CNTNAP3B: variants seen among roughly 807,000 people sequenced by gnomAD.
The protein encoded by CNTNAP3B is contactin associated protein family member 3B.
Under a neutral mutation model 108.9 loss-of-function variants are expected in CNTNAP3B, and 25 were observed. The observed-to-expected ratio is 0.23, with a 90% CI of 0.17 to 0.32. The LOEUF (loss-of-function observed/expected upper bound fraction) is 0.32. CNTNAP3B is among the 10% of genes least tolerant of loss of function. The probability of loss-of-function intolerance (pLI) is 1.00; values close to 1 mark genes in which losing one functional copy is unlikely to be tolerated. For missense variants in CNTNAP3B, 252 were observed against 1,210.4 expected (o/e 0.21, Z 11.75); for synonymous variants, 103 against 473.4 (o/e 0.22, Z 10.16).
intron 9 of CNTNAP3B, among the ~76,000 whole-genome samples, chr9:41,973,091 C>A (rs1208463265): frequency 7.2e-6 from 1 of 139,502 alleles, no homozygotes; most frequent in Non-Finnish European, 1.5e-5. Flanking sequence ...ACACGCACCA[C>A]CATGCCCTGC....
chr9:41,934,045 G>A (rs1824062349), intron 14 of CNTNAP3B, among the ~76,000 whole-genome samples: 1 of 147,782 alleles, frequency 6.8e-6, no homozygotes, highest in Admixed American at 6.9e-5. Flanking sequence ...TCCCAAAAAT[G>A]TTATGTTAAT....
At position 42,128,440 on chromosome 9, in the gene CNTNAP3B, G is replaced by A. The variant is rs1828617313; in HGVS notation, c.85+570C>T. Among the ~76,000 whole-genome samples, 4 of 135,878 alleles carry A rather than the reference G, an allele frequency of 2.9e-5. No individual in the cohort carries two copies. In the South Asian group the frequency reaches 9.6e-4, roughly 33 times the overall value. 89.1% of individuals were successfully genotyped at this position (135,878 alleles called of 152,430 possible). A position where few individuals can be genotyped will look rare whatever the true frequency, so the allele number is the denominator to read the frequency against. On this transcript the variant is annotated intron_variant, in intron 1 of 23. Coordinates refer to ENST00000377561, the MANE Select transcript of CNTNAP3B (RefSeq NM_001201380.3). ...AACCAAGAACTTTCTACTGAGAAAC[G>A]AAGCCCCTGACAGGGGTGTTCAAGT...
chr9:41,996,270 G>T lies in CNTNAP3B; in HGVS notation c.1006C>A (p.Leu336Ile). The T allele has an allele frequency of 6.5e-7, 1 of 1,531,030 alleles. No homozygotes were observed. The highest frequency in any genetic ancestry group is 8.8e-7 in the Non-Finnish European group (1 of 1,132,210). The allele number at this position is 1,531,030 out of a possible 1,614,324, so 94.8% of individuals were successfully genotyped here. The change falls in exon 7 of 24, where the codon CTT becomes ATT. Residue 336 changes from leucine (L) to isoleucine (I), a missense_variant. Coordinates refer to ENST00000377561, the MANE Select transcript of CNTNAP3B (RefSeq NM_001201380.3). Reference sequence around the variant, plus strand: ...GTAACATCCACTCCATTATAATAAAGATTTTCTAAACACCCATGAAAGCTT... The same window carrying T: ...GTAACATCCACTCCATTATAATAAATATTTTCTAAACACCCATGAAAGCTT... ...RKSFHGCLEN[L>I]YYNGVDVTEL...
At position 42,107,872 on chromosome 9, in the gene CNTNAP3B, G is replaced by A. The variant is rs1340204045; in HGVS notation, c.86-3133C>T. 1.6e-5 allele frequency among the ~76,000 whole-genome samples: 2 copies of A among 128,290 alleles called. 1 individual carries two copies. Among genetic ancestry groups the A allele is most frequent in the Non-Finnish European group, 3.3e-5 (2 of 61,398 alleles). 84.2% of individuals were successfully genotyped at this position (128,290 alleles called of 152,430 possible). A position where few individuals can be genotyped will look rare whatever the true frequency, so the allele number is the denominator to read the frequency against. On this transcript the variant is annotated intron_variant, in intron 1 of 23. Transcript: ENST00000377561. ...TGCCCATAGTCCCAGCTTCCCAGGA[G>A]GCTGAAGCAGGAGAATCGCTTGAAC... is the stretch of plus-strand genomic sequence containing the variant.
At chr9:41,997,260 C>T (rs1265465230) in intron 6 of CNTNAP3B, among the ~76,000 whole-genome samples, 2 of 151,744 alleles carry the variant, frequency 1.3e-5, no homozygotes, top group African/African-American at 4.9e-5. Flanking sequence ...TGTAATATAC[C>T]AGATGAAATT....
In CNTNAP3B at chr9:42,111,217, C is replaced by T. The variant is rs1193519726; in HGVS notation, c.86-6478G>A. Among the ~76,000 whole-genome samples the T allele has an allele frequency of 3.6e-5, 5 of 139,698 alleles. 1 individual carries two copies. Among genetic ancestry groups the T allele is most frequent in the Non-Finnish European group, 6.2e-5 (4 of 65,034 alleles). The allele number at this position is 139,698 out of a possible 152,430, so 91.6% of individuals were successfully genotyped here. ...GAACCTGGGACTTTCGAATGAATAA[C>T]AGCAGAACTTGGGACTTTCGGCTTG... On this transcript the variant is annotated intron_variant, in intron 1 of 23. Transcript: ENST00000377561.
At position 42,098,126 on chromosome 9, in the gene CNTNAP3B, TAATGTAAA is replaced by T. The variant is rs1274966413; in HGVS notation, c.196+6495_196+6502del. ...CTGTGATCTTCATGGAGTAAGGTGC[TAATGTAAA>T]AAAGTTGATTATTGGAGTTTATAAA... On this transcript the variant is annotated intron_variant, in intron 2 of 23. Transcript: ENST00000377561. Among the ~76,000 whole-genome samples the T allele has an allele frequency of 2.9e-5, 4 of 139,878 alleles. 2 individuals carry two copies. In the East Asian group the frequency reaches 8.7e-4, roughly 30 times the overall value. 91.8% of individuals were successfully genotyped at this position (139,878 alleles called of 152,430 possible).
At chr9:41,933,450 C>T (rs1224632724) in intron 14 of CNTNAP3B, among the ~76,000 whole-genome samples, 3 of 147,672 alleles carry the variant, frequency 2.0e-5, no homozygotes, top group East Asian at 3.9e-4. Context: ...ATTTGGCTGT[C>T]CTTAATTCTC....
rs2118493052 is a variant in CNTNAP3B, at chr9:42,035,214, TC to T, written c.391-21690del. ...TTGGGACCTCTTTACCCAAGGCTCC[TC>T]CGGGCTAGCTCCTCCCACCACAGTA... On this transcript the variant is annotated intron_variant, in intron 3 of 23. Coordinates refer to ENST00000377561, the MANE Select transcript of CNTNAP3B (RefSeq NM_001201380.3). Among the ~76,000 whole-genome samples the T allele has an allele frequency of 2.2e-5, 3 of 133,632 alleles. No homozygotes were observed. In the South Asian group the frequency reaches 7.7e-4, roughly 34 times the overall value. 87.7% of individuals were successfully genotyped at this position (133,632 alleles called of 152,430 possible). A position where few individuals can be genotyped will look rare whatever the true frequency, so the allele number is the denominator to read the frequency against.
At position 42,044,774 on chromosome 9, in the gene CNTNAP3B, G is replaced by A. The variant is rs548458327; in HGVS notation, c.391-31249C>T. Among the ~76,000 whole-genome samples the A allele has an allele frequency of 9.7e-4, 135 of 139,282 alleles. 3 individuals are homozygous for A. Among genetic ancestry groups the A allele is most frequent in the African/African-American group, 3.8e-3 (134 of 35,520 alleles). The allele number at this position is 139,282 out of a possible 152,430, so 91.4% of individuals were successfully genotyped here. A position where few individuals can be genotyped will look rare whatever the true frequency, so the allele number is the denominator to read the frequency against. ...GAAAAGGATAAAGCCTGTGCCAGAAGAAGTGGTTCAGGAGGTAAGGGTTTC... is the reference window on the plus strand; with the variant it reads ...GAAAAGGATAAAGCCTGTGCCAGAAAAAGTGGTTCAGGAGGTAAGGGTTTC... On this transcript the variant is annotated intron_variant, in intron 3 of 23. Transcript: ENST00000377561.
intron 15 of CNTNAP3B, among the ~76,000 whole-genome samples, chr9:41,927,737 A>G (rs1037144464): frequency 6.6e-6 from 1 of 152,260 alleles, no homozygotes; most frequent in African/African-American, 2.4e-5. Flanking sequence ...AAAATCAAAG[A>G]CCCAAACAAA....
At chr9:42,103,382 C>G (rs1454211631) in intron 2 of CNTNAP3B, among the ~76,000 whole-genome samples, 252 of 131,216 alleles carry the variant, frequency 1.9e-3, no homozygotes, top group Non-Finnish European at 2.6e-3. Context: ...TAAATGTGCT[C>G]AAATACAGAA....
Position 42,098,779 on chromosome 9 carries a change from A to AT in CNTNAP3B, c.196+5849dup, listed in dbSNP as rs200935585. ...TCAGGACAATCAGGCACAGATGGCT[A>AT]TTTTTTCTATTGAGTTGAGATAATT... On this transcript the variant is annotated intron_variant, in intron 2 of 23. Transcript: ENST00000377561. 1.5e-5 allele frequency among the ~76,000 whole-genome samples: 2 copies of AT among 129,570 alleles called. 1 individual carries two copies. The allele number at this position is 129,570 out of a possible 152,430, so 85.0% of individuals were successfully genotyped here.
chr9:41,947,578 T>G (rs2118119588), intron 13 of CNTNAP3B, among the ~76,000 whole-genome samples: 1 of 152,264 alleles, frequency 6.6e-6, no homozygotes, highest in East Asian at 1.9e-4. Context: ...AATGCCTACA[T>G]TAGGAAAGAA....
At position 42,118,083 on chromosome 9, in the gene CNTNAP3B, AT is replaced by A. The variant is rs768864819; in HGVS notation, c.85+10926del. ...CAGGACCAGATGGATTCACAGCCCAATTCTACCAGAGGTACAAGGAGGAACT... is the reference window on the plus strand; with the variant it reads ...CAGGACCAGATGGATTCACAGCCCAATCTACCAGAGGTACAAGGAGGAACT... On this transcript the variant is annotated intron_variant, in intron 1 of 23. Coordinates refer to ENST00000377561, the MANE Select transcript of CNTNAP3B (RefSeq NM_001201380.3). Among the ~76,000 whole-genome samples, 2 of 136,220 alleles carry A rather than the reference AT, an allele frequency of 1.5e-5. 1 individual carries two copies. Among genetic ancestry groups the A allele is most frequent in the Non-Finnish European group, 3.1e-5 (2 of 63,948 alleles). The allele number at this position is 136,220 out of a possible 152,430, so 89.4% of individuals were successfully genotyped here. A position where few individuals can be genotyped will look rare whatever the true frequency, so the allele number is the denominator to read the frequency against.
chr9:41,930,469 G>T (rs1416771912), intron 14 of CNTNAP3B, among the ~76,000 whole-genome samples: 1 of 152,286 alleles, frequency 6.6e-6, no homozygotes, highest in African/African-American at 2.4e-5. Flanking sequence ...CTTGAGCCTG[G>T]GAGGTAGAGG....
In CNTNAP3B at chr9:42,120,974, T is replaced by C. The variant is rs1334676371; in HGVS notation, c.85+8036A>G. ...TACCCTGTAACTTAAAGTATAATAA[T>C]AATAAAATAATAAAAAATTAAAAAG... On this transcript the variant is annotated intron_variant, in intron 1 of 23. Coordinates refer to ENST00000377561, the MANE Select transcript of CNTNAP3B (RefSeq NM_001201380.3). Among the ~76,000 whole-genome samples, 6 of 138,426 alleles carry C rather than the reference T, an allele frequency of 4.3e-5. 1 individual carries two copies. Among genetic ancestry groups the C allele is most frequent in the African/African-American group, 1.7e-4 (6 of 34,788 alleles). The allele number at this position is 138,426 out of a possible 152,430, so 90.8% of individuals were successfully genotyped here. A position where few individuals can be genotyped will look rare whatever the true frequency, so the allele number is the denominator to read the frequency against.
At chr9:42,041,773 A>G (rs1826762905) in intron 3 of CNTNAP3B, among the ~76,000 whole-genome samples, 1 of 139,442 alleles carries the variant, frequency 7.2e-6, no homozygotes, top group Non-Finnish European at 1.5e-5. Flanking sequence ...ATGCTGCTAT[A>G]AAGACACATG....
intron 1 of CNTNAP3B, among the ~76,000 whole-genome samples, chr9:42,111,654 A>T (rs915224693): frequency 2.2e-5 from 3 of 138,788 alleles, no homozygotes; most frequent in Non-Finnish European, 4.6e-5. Context: ...AGCCTATTTG[A>T]TCTTAGATTT....
Sources: allele counts gnomAD v4.1 joint callset (sites outside exome capture counted in the v4.1 genomes callset), GRCh38; gene constraint gnomAD v4.1.1; transcripts MANE v1.5; gene names NCBI Gene and HGNC (gene_info 2026-07-23, HGNC 2026-07-21).